LIMK1: variants seen among roughly 807,000 people sequenced by gnomAD.
LIMK1 encodes LIM motif-containing protein kinase.
A neutral mutation model predicts 77.6 loss-of-function variants in LIMK1; 21 were observed. The ratio of observed to expected loss-of-function variants is 0.27; its 90% CI spans 0.19 to 0.39. The LOEUF is 0.39. Among genes scored for constraint, LIMK1 ranks in the 10% least tolerant of loss-of-function variants. The pLI is 1.00. For synonymous variants in LIMK1, 358 were observed against 370.0 expected (o/e 0.97, Z 0.37); for missense variants, 696 against 901.6 (o/e 0.77, Z 2.92).
At chr7:74,120,444 C>G in intron 13 of LIMK1, 139 bp from the exon 14 acceptor site, 1 of 828,806 alleles carries the variant, frequency 1.2e-6, no homozygotes, top group Non-Finnish European at 2.0e-6. Flanking sequence ...GCCTGGGTTC[C>G]CATAGAGGTT....
intron 5 of LIMK1, among the ~76,000 whole-genome samples, chr7:74,100,599 T>C (rs1554696401): frequency 6.6e-6 from 1 of 152,052 alleles, no homozygotes; most frequent in East Asian, 1.9e-4. Context: ...GTATTTTTAG[T>C]AAAGACAGGG....
chr7:74,101,724 A>G (rs1799461371), intron 5 of LIMK1, among the ~76,000 whole-genome samples: 2 of 152,056 alleles, frequency 1.3e-5, no homozygotes, highest in South Asian at 2.1e-4. Context: ...AGGAAGGTCT[A>G]ATTTATCCAG....
intron 2 of LIMK1, among the ~76,000 whole-genome samples, chr7:74,086,257 C>A (rs1187298078): frequency 6.6e-6 from 1 of 152,134 alleles, no homozygotes; most frequent in East Asian, 1.9e-4. Context: ...GTTAGCCAGG[C>A]TGGTCTGAAA....
chr7:74,086,318 G>A (rs1554694064), intron 2 of LIMK1, among the ~76,000 whole-genome samples: 1 of 151,982 alleles, frequency 6.6e-6, no homozygotes, highest in Admixed American at 6.6e-5. Context: ...GTGCTGGGAT[G>A]ACAGACATAA....
chr7:74,104,607 A>G (rs887017860), intron 5 of LIMK1, among the ~76,000 whole-genome samples: 2 of 152,050 alleles, frequency 1.3e-5, no homozygotes, highest in African/African-American at 4.8e-5. Flanking sequence ...CCTGGGCAAC[A>G]AGAGCAAAAC....
At chr7:74,116,131 C>T (rs782374939) in intron 13 of LIMK1, among the ~76,000 whole-genome samples, 173 bp downstream of exon 13, 26 of 152,216 alleles carry the variant, frequency 1.7e-4, no homozygotes, top group Non-Finnish European at 2.9e-4. Flanking sequence ...CGGTGGCTCA[C>T]GCCTGTAATC....
chr7:74,117,035 A>C (rs757254612), intron 13 of LIMK1, among the ~76,000 whole-genome samples: 7 of 151,826 alleles, frequency 4.6e-5, no homozygotes, highest in African/African-American at 9.7e-5. Context: ...GCGCCCGCCA[A>C]CACGCCTGGC....
intron 10 of LIMK1, 138 bp downstream of exon 10, chr7:74,109,174 CAA>C: frequency 1.4e-6 from 1 of 705,308 alleles, no homozygotes; most frequent in East Asian, 2.9e-5. Flanking sequence ...GATTCCTAAT[CAA>C]AAAGGGGAGC....
At chr7:74,121,112 AC>A in intron 15 of LIMK1, 26 bp from the exon 16 acceptor site, 1 of 1,605,840 alleles carries the variant, frequency 6.2e-7, no homozygotes, top group Non-Finnish European at 8.5e-7. Context: ...AGCCAGACCC[AC>A]CGTTCCCCAC....
Position 74,083,916 on chromosome 7 carries a change from G to C in LIMK1, c.-75G>C. 3.8e-6 allele frequency: 1 copy of C among 263,012 alleles called. No homozygotes were observed. 16.3% of individuals were successfully genotyped at this position (263,012 alleles called of 1,614,324 possible). A position where few individuals can be genotyped will look rare whatever the true frequency, so the allele number is the denominator to read the frequency against. On this transcript the variant is annotated 5_prime_UTR_variant, in exon 1 of 16. Transcript: ENST00000336180. ...CCCTCCGCCCCCGCCTCCCCGGGCC[G>C]GCGGCGGTGGGCGAGCTCGCGGGCC...
At chr7:74,112,062 C>A in intron 12 of LIMK1, 64 bp downstream of exon 12, 2 of 1,313,232 alleles carry the variant, frequency 1.5e-6, no homozygotes, top group Non-Finnish European at 2.1e-6. Context: ...CAACCCCAGC[C>A]TCAGGGCCTT....
chr7:74,089,377 T>C (rs889365760), intron 2 of LIMK1, among the ~76,000 whole-genome samples: 3 of 152,068 alleles, frequency 2.0e-5, no homozygotes, highest in Non-Finnish European at 1.5e-5. Flanking sequence ...TGGTGGTGCC[T>C]GTAGTCCCAG....
At chr7:74,113,206 C>T (rs901718998) in intron 12 of LIMK1, among the ~76,000 whole-genome samples, 2 of 152,004 alleles carry the variant, frequency 1.3e-5, no homozygotes, top group South Asian at 2.1e-4. Flanking sequence ...AGCCTATGGT[C>T]CCAACTACCT....
intron 2 of LIMK1, among the ~76,000 whole-genome samples, chr7:74,092,264 G>T (rs369206278): frequency 6.6e-6 from 1 of 152,212 alleles, no homozygotes; most frequent in Non-Finnish European, 1.5e-5. Flanking sequence ...CTGCGCACAG[G>T]CAGCTGTGCA....
rs1563915922 is a variant in LIMK1 at position 74,099,036 on chromosome 7, C to T, written c.406C>T (p.His136Tyr). 2 of 1,607,544 alleles carry T rather than the reference C, an allele frequency of 1.2e-6. No homozygotes were observed. The highest frequency in any genetic ancestry group is 8.5e-7 in the Non-Finnish European group (1 of 1,176,852). Reference sequence around the variant, plus strand: ...CCACCCCGGCGGCTCTTGCAGCGGGCACTGCTACTACCAGACTGTGGTGAC... The same window carrying T: ...CCACCCCGGCGGCTCTTGCAGCGGGTACTGCTACTACCAGACTGTGGTGAC... ...LVEHSKLYCG[H>Y]CYYQTVVTPV... The change falls in exon 5 of 16, where the codon CAC (histidine) becomes TAC (tyrosine). Residue 136 changes from histidine (H) to tyrosine (Y), a missense_variant. His to Tyr is a moderately conservative substitution (Grantham distance 83, BLOSUM62 2). This residue lies in a region of LIMK1 where 252 missense variants were observed against 279.4 expected (regional missense o/e 0.90). Transcript: ENST00000336180.
rs1054410796 is a variant in LIMK1 at position 74,109,359 on chromosome 7, C to T, written c.1284+323C>T. ...TGGACCACACAGCAAGACCCTGTCT[C>T]AAAAACTAAAATAAAATTCAGAGCT... On this transcript the variant is annotated intron_variant, in intron 10 of 15. Coordinates refer to ENST00000336180, the MANE Select transcript of LIMK1 (RefSeq NM_002314.4). The T allele has an allele frequency of 5.6e-5, 16 of 285,182 alleles. No individual in the cohort carries two copies. In the Admixed American group the frequency reaches 6.2e-4, roughly 11 times the overall value. 17.7% of individuals were successfully genotyped at this position (285,182 alleles called of 1,614,324 possible).
chr7:74,097,994 A>G (rs1197246908), intron 4 of LIMK1, among the ~76,000 whole-genome samples: 3 of 152,204 alleles, frequency 2.0e-5, no homozygotes, highest in African/African-American at 7.2e-5. Flanking sequence ...CCAAATGAAG[A>G]AGCATCTCCC....
chr7:74,103,909 C>G (rs1799516854), intron 5 of LIMK1, among the ~76,000 whole-genome samples: 1 of 152,088 alleles, frequency 6.6e-6, no homozygotes, highest in African/African-American at 2.4e-5. Flanking sequence ...ATCCTCCTGC[C>G]TCAGCCTCTC....
At chr7:74,104,763 C>T (rs1343074067) in intron 5 of LIMK1, among the ~76,000 whole-genome samples, 1 of 152,210 alleles carries the variant, frequency 6.6e-6, no homozygotes, top group Admixed American at 6.5e-5. Flanking sequence ...CGTCTTCACC[C>T]TGCAATTGTG....
Sources: allele counts gnomAD v4.1 joint callset (sites outside exome capture counted in the v4.1 genomes callset), GRCh38; gene constraint gnomAD v4.1.1; regional missense constraint gnomAD v4.1.1; transcripts MANE v1.5; gene names NCBI Gene and HGNC (gene_info 2026-07-23, HGNC 2026-07-21).